The following CEP72 variants were observed in gnomAD, a reference collection of about 807,000 sequenced individuals.
The protein encoded by CEP72 is centrosomal protein 72.
Under a neutral mutation model 65.7 loss-of-function variants are expected in CEP72, and 78 were observed. The ratio of observed to expected loss-of-function variants is 1.19; its 90% confidence interval spans 0.99 to 1.43. CEP72 has a LOEUF of 1.43. Among genes scored for constraint, CEP72 ranks in the 40% most tolerant of loss-of-function variants. The pLI is 0.00. For synonymous variants in CEP72, 358 were observed against 351.7 expected (o/e 1.02, Z -0.20); for missense variants, 914 against 832.9 (o/e 1.10, Z -1.20).
At chr5:675,606 A>C in the CEP72 span, among the ~76,000 whole-genome samples, 1 of 151,460 alleles carries the variant, frequency 6.6e-6, no homozygotes, top group African/African-American at 2.4e-5. Context: ...TGGGGGGTAC[A>C]GTGTGGCCGG....
rs775921117 is a variant in CEP72 at position 612,394 on chromosome 5, C to T, written c.33C>T (p.Ser11=). MARAGPRLVL[S]EEAVRAKSGL... is the part of the protein sequence containing the mutation. ...GGGCTGGCCCTCGGCTGGTGCTGAGCGAGGAGGCGGTTCGGGCGAAGAGCG... is the reference window on the plus strand; with the variant it reads ...GGGCTGGCCCTCGGCTGGTGCTGAGTGAGGAGGCGGTTCGGGCGAAGAGCG... Residue 11 remains serine (S), a synonymous_variant, in exon 1 of 12, where the codon AGC becomes AGT. Coordinates refer to ENST00000264935, the MANE Select transcript of CEP72 (RefSeq NM_018140.4). 6.7e-7 allele frequency: 1 copy of T among 1,489,396 alleles called. No individual in the cohort carries two copies. The highest frequency in any genetic ancestry group is 1.3e-5 in the South Asian group (1 of 79,460). The allele number at this position is 1,489,396 out of a possible 1,614,324, so 92.3% of individuals were successfully genotyped here. A position where few individuals can be genotyped will look rare whatever the true frequency, so the allele number is the denominator to read the frequency against.
At chr5:671,368 C>G (rs766044790), downstream of CEP72, among the ~76,000 whole-genome samples, 2 of 151,990 alleles carry the variant, frequency 1.3e-5, no homozygotes, top group African/African-American at 4.8e-5. Context: ...GGGGCCCGAC[C>G]TTCTCTAGGG....
Position 643,496 on chromosome 5 carries a change from G to C in CEP72, c.1540-803G>C, listed in dbSNP as rs967273615. 4 of 985,320 alleles carry C rather than the reference G, an allele frequency of 4.1e-6. No homozygotes were observed. The Admixed American group carries it at 2.5e-4, about 61-fold the overall frequency. The allele number at this position is 985,320 out of a possible 1,614,324, so 61.0% of individuals were successfully genotyped here. A position where few individuals can be genotyped will look rare whatever the true frequency, so the allele number is the denominator to read the frequency against. On this transcript the variant is annotated intron_variant, in intron 9 of 11. Transcript: ENST00000264935. ...TGGCGGGTGCATGCATGCTGAGGGG[G>C]CTGTCGGCGGGTGGGCTCACTGAGC...
chr5:649,978 TGACTGTGAGGCGTGGACTGTGAGGCGTG>T (rs1738858998), intron 11 of CEP72, among the ~76,000 whole-genome samples: 1 of 53,472 alleles, frequency 1.9e-5, no homozygotes. Flanking sequence ...CTGTGAGGTG[TGACTGTGAGGCGTGGACTGTGAGGCGTG>T]GACTGTGAGG....
chr5:637,035 G>A (rs1275564951), intron 6 of CEP72, among the ~76,000 whole-genome samples: 6 of 152,136 alleles, frequency 3.9e-5, no homozygotes, highest in African/African-American at 1.4e-4. Context: ...CCACAGACAA[G>A]TTTGCCTTCC....
At chr5:670,764 A>G (rs1740192517), downstream of CEP72, among the ~76,000 whole-genome samples, 1 of 152,188 alleles carries the variant, frequency 6.6e-6, no homozygotes, top group South Asian at 2.1e-4. Flanking sequence ...AGCAAGATAC[A>G]GAGGACCTAG....
downstream of CEP72, chr5:657,011 A>G (rs1278342253): frequency 1.3e-5 from 2 of 152,232 alleles, no homozygotes; most frequent in African/African-American, 4.8e-5. Flanking sequence ...GATTTTTATC[A>G]TTTAATATAT....
intron 4 of CEP72, among the ~76,000 whole-genome samples, chr5:633,445 G>A (rs1452577103): frequency 6.7e-6 from 1 of 149,676 alleles, no homozygotes; most frequent in Non-Finnish European, 1.5e-5. Context: ...GACCAGTCCT[G>A]GTGGGGTTCT....
chr5:671,726 C>T (rs974878254), downstream of CEP72, among the ~76,000 whole-genome samples: 5 of 152,234 alleles, frequency 3.3e-5, no homozygotes, highest in Middle Eastern at 3.2e-3. Context: ...CTCCACTCTG[C>T]GGAAGCCACG....
intron 11 of CEP72, among the ~76,000 whole-genome samples, chr5:648,527 C>A (rs1225000327): frequency 7.3e-6 from 1 of 136,228 alleles, no homozygotes; most frequent in Non-Finnish European, 1.5e-5. Context: ...TGAGGTGTGA[C>A]TGTGAGGTGT....
In CEP72 at chr5:635,578, C is replaced by T. The variant is rs756730133; in HGVS notation, c.898C>T (p.His300Tyr). 3.1e-6 allele frequency: 5 copies of T among 1,610,352 alleles called. No homozygotes were observed. The highest frequency in any genetic ancestry group is 2.5e-6 in the Non-Finnish European group (3 of 1,177,128). Residue 300 changes from histidine to tyrosine, a missense_variant, in exon 6 of 12, where the codon CAC (histidine) becomes TAC (tyrosine). His to Tyr is a moderately conservative substitution (Grantham distance 83). Transcript: ENST00000264935. The stretch of plus-strand genomic sequence containing the variant: ...CAGGCCACACACGTACTTCACCCCA[C>T]ACCCAGGTACTTACGCGTGTCTTAG... ...APRPHTYFTPHPDSMDTEDSA... is the reference protein window; with the variant it reads ...APRPHTYFTPYPDSMDTEDSA...
chr5:649,082 C>A (rs1163601482), intron 11 of CEP72, among the ~76,000 whole-genome samples: 9 of 141,456 alleles, frequency 6.4e-5, no homozygotes, highest in South Asian at 2.2e-4. Context: ...TGAGGTGTGA[C>A]TGTGAGGTGT....
chr5:647,944 C>A (rs1418797203), intron 11 of CEP72, 28 bp downstream of exon 11: 1 of 1,547,258 alleles, frequency 6.5e-7, no homozygotes, highest in Non-Finnish European at 8.9e-7. Context: ...TTGGGTGGGC[C>A]CCCGAGGGGA....
intron 3 of CEP72, among the ~76,000 whole-genome samples, chr5:622,541 C>T (rs981463572): frequency 6.6e-6 from 1 of 152,284 alleles, no homozygotes; most frequent in Admixed American, 6.5e-5. Context: ...GGCTCACCCA[C>T]TCATGTGGCA....
At chr5:638,779 G>C (rs1024789358) in intron 7 of CEP72, among the ~76,000 whole-genome samples, 1 of 152,142 alleles carries the variant, frequency 6.6e-6, no homozygotes, top group African/African-American at 2.4e-5. Context: ...CTCTGACTGC[G>C]GCCTGGATGT....
downstream of CEP72, among the ~76,000 whole-genome samples, chr5:670,436 C>T (rs1740178398): frequency 6.6e-6 from 1 of 152,172 alleles, no homozygotes. Flanking sequence ...CAGCCTCTCC[C>T]TGTACTTAGG....
intron 4 of CEP72, among the ~76,000 whole-genome samples, chr5:628,616 CGCAGTCCCCGGGGAGTGGCCCCAGG>C (rs1561037148): frequency 2.0e-3 from 30 of 14,978 alleles, no homozygotes; most frequent in South Asian, 9.5e-3. Context: ...GAACTCAGGT[CGCAGTCCCCGGGGAGTGGCCCCAGG>C]ACCCAGCCCC....
At chr5:673,159 CAA>C in the CEP72 span, among the ~76,000 whole-genome samples, 1 of 150,058 alleles carries the variant, frequency 6.7e-6, no homozygotes, top group Non-Finnish European at 1.5e-5. Flanking sequence ...AAAACAAAAG[CAA>C]CTCCCACAGG....
At chr5:653,812 A>T (rs963177226), downstream of CEP72, among the ~76,000 whole-genome samples, 2 of 152,242 alleles carry the variant, frequency 1.3e-5, no homozygotes, top group Non-Finnish European at 2.9e-5. Flanking sequence ...TCATAATAGG[A>T]CACAAAACTA....
Sources: allele counts gnomAD v4.1 joint callset (sites outside exome capture counted in the v4.1 genomes callset), GRCh38; gene constraint gnomAD v4.1.1; transcripts MANE v1.5; gene names NCBI Gene and HGNC (gene_info 2026-07-23, HGNC 2026-07-21).